Variants in JAK3 observed in about 807,000 individuals in gnomAD.
JAK3 encodes the protein Janus kinase 3.
Under a neutral mutation model 120.8 loss-of-function variants are expected in JAK3, and 88 were observed. The observed-to-expected ratio is 0.73, with a 90% confidence interval of 0.61 to 0.87. The LOEUF (loss-of-function observed/expected upper bound fraction) is 0.87. JAK3 is among the 40% of genes least tolerant of loss of function. JAK3 has a pLI of 0.00. For missense variants in JAK3, 1,254 were observed against 1,501.4 expected, an observed-to-expected ratio of 0.84 and a Z score of 2.72; for synonymous variants, 592 against 628.6, an observed-to-expected ratio of 0.94 and a Z score of 0.87.
intron 10 of JAK3, chr19:17,839,263 T>C: frequency 1.5e-6 from 1 of 678,970 alleles, no homozygotes; most frequent in Non-Finnish European, 2.7e-6. Context: ...AGAGACTAGG[T>C]GCAGATGACA....
In JAK3 at chr19:17,832,409, A is replaced by T; in HGVS notation, c.2680+110T>A. 9.3e-7 allele frequency: 1 copy of T among 1,080,978 alleles called. No individual in the cohort carries two copies. Among genetic ancestry groups the T allele is most frequent in the Non-Finnish European group, 1.4e-6 (1 of 701,320 alleles). The allele number at this position is 1,080,978 out of a possible 1,614,324, so 67.0% of individuals were successfully genotyped here. A position where few individuals can be genotyped will look rare whatever the true frequency, so the allele number is the denominator to read the frequency against. Reference sequence around the variant, plus strand: ...AAACCTGTAACCCATGTGAATCTGGATCAATAATCACGTTCCCAGCCTACC... The same window carrying T: ...AAACCTGTAACCCATGTGAATCTGGTTCAATAATCACGTTCCCAGCCTACC... On this transcript the variant is annotated intron_variant, in intron 19 of 23. Coordinates refer to ENST00000458235, the MANE Select transcript of JAK3 (RefSeq NM_000215.4). This position sits in a 1 kb window ranked among gnomAD's most constrained non-coding sequence, Gnocchi z 4.7.
In JAK3 at chr19:17,827,717, TAAAAAAAAAAAAAAAAAAAAAAAAA is replaced by T. The variant is rs760856974; in HGVS notation, c.3208-832_3208-808del. On this transcript the variant is annotated intron_variant, in intron 23 of 23. Transcript: ENST00000458235. ...CAACATGGAGAAACCCCATCTTAAC[TAAAAAAAAAAAAAAAAAAAAAAAAA>T]AAAAAAAAAAAAAAAAATTACAGGT... Among the ~76,000 whole-genome samples the T allele has an allele frequency of 3.2e-3, 250 of 77,688 alleles. 7 individuals are homozygous for T. Among genetic ancestry groups the T allele is most frequent in the African/African-American group, 0.014 (234 of 16,784 alleles). 51.0% of individuals were successfully genotyped at this position (77,688 alleles called of 152,430 possible).
chr19:17,836,623 A>C, intron 13 of JAK3: 1 of 385,128 alleles, frequency 2.6e-6, no homozygotes, highest in Non-Finnish European at 4.9e-6. Context: ...TGCCTAGAAC[A>C]CCCCTCTTCC....
At position 17,841,288 on chromosome 19, in the gene JAK3, A is replaced by T. The variant is rs77652659; in HGVS notation, c.1142+101T>A. 3.5e-4 allele frequency: 440 copies of T among 1,255,930 alleles called. 2 individuals are homozygous for T. The East Asian group carries it at 0.011, about 32-fold the overall frequency. The allele number at this position is 1,255,930 out of a possible 1,614,324, so 77.8% of individuals were successfully genotyped here. A position where few individuals can be genotyped will look rare whatever the true frequency, so the allele number is the denominator to read the frequency against. On this transcript the variant is annotated intron_variant, in intron 8 of 23. Coordinates refer to ENST00000458235, the MANE Select transcript of JAK3 (RefSeq NM_000215.4). The surrounding 1 kb of genome is among the most constrained non-coding windows in gnomAD (Gnocchi z 4.1). ...GCGGCAGGTGTGGTTTGAAAACTTGACCCCTGTCCAGGGCTCCTGGAAGGT... is the reference window on the plus strand; with the variant it reads ...GCGGCAGGTGTGGTTTGAAAACTTGTCCCCTGTCCAGGGCTCCTGGAAGGT...
chr19:17,838,496 T>C (rs993113497), intron 10 of JAK3, 106 bp from the exon 11 acceptor site: 3 of 1,274,220 alleles, frequency 2.4e-6, no homozygotes, highest in African/African-American at 2.9e-5. Flanking sequence ...AAGCCGACCC[T>C]GAGATGAAGA....
chr19:17,830,095 C>G lies in JAK3; in HGVS notation c.3207+13G>C. The G allele has an allele frequency of 6.4e-7, 1 of 1,554,860 alleles. No individual in the cohort carries two copies. Among genetic ancestry groups the G allele is most frequent in the South Asian group, 1.2e-5 (1 of 84,716 alleles). Reference sequence around the variant, plus strand: ...ACAGACTGGGAAACTGAGGCTAGCCCTGCGGCGCTCACCTCAGCAGGGCAG... The same window carrying G: ...ACAGACTGGGAAACTGAGGCTAGCCGTGCGGCGCTCACCTCAGCAGGGCAG... On this transcript the variant is annotated intron_variant, in intron 23 of 23. Coordinates refer to ENST00000458235, the MANE Select transcript of JAK3 (RefSeq NM_000215.4).
chr19:17,836,984 A>C, intron 13 of JAK3, 145 bp downstream of exon 13: 1 of 686,830 alleles, frequency 1.5e-6, no homozygotes, highest in Non-Finnish European at 2.6e-6. Context: ...GGAGAGACAT[A>C]AATAAAGGGT....
intron 14 of JAK3, among the ~76,000 whole-genome samples, 183 bp downstream of exon 14, chr19:17,835,741 C>T (rs910100652): frequency 4.6e-5 from 7 of 152,178 alleles, no homozygotes; most frequent in East Asian, 1.9e-4. Flanking sequence ...ATTCACCACA[C>T]GCCCTGACAT....
chr19:17,843,930 C>T lies in JAK3; in HGVS notation c.185-30G>A, dbSNP rs201336762. On this transcript the variant is annotated intron_variant, in intron 2 of 23. Transcript: ENST00000458235. The surrounding 1 kb of genome is among the most constrained non-coding windows in gnomAD (Gnocchi z 5.4). The stretch of plus-strand genomic sequence containing the variant: ...AGGGGATGGTCCCATCAGCTCCCTC[C>T]TGAGTCACCCCATCTGTGCCCTTCA... 152 of 1,612,598 alleles carry T rather than the reference C, an allele frequency of 9.4e-5. No individual in the cohort carries two copies. Among genetic ancestry groups the T allele is most frequent in the Non-Finnish European group, 1.2e-4 (137 of 1,179,558 alleles).
chr19:17,845,254 G>A (rs1233161538), intron 1 of JAK3, among the ~76,000 whole-genome samples: 2 of 151,970 alleles, frequency 1.3e-5, no homozygotes, highest in African/African-American at 2.4e-5. Flanking sequence ...TGCAACCTCC[G>A]CCTCCCAAGT....
At position 17,832,276 on chromosome 19, in the gene JAK3, C is replaced by CA. The variant is rs1254160128; in HGVS notation, c.2680+242dup. 6.7e-6 allele frequency among the ~76,000 whole-genome samples: 1 copy of CA among 150,068 alleles called. No homozygotes were observed. Among genetic ancestry groups the CA allele is most frequent in the Non-Finnish European group, 1.5e-5 (1 of 67,972 alleles). On this transcript the variant is annotated intron_variant, in intron 19 of 23. Transcript: ENST00000458235. This position sits in a 1 kb window ranked among gnomAD's most constrained non-coding sequence, Gnocchi z 4.7. Reference sequence around the variant, plus strand: ...ACTCTGTCTCAAAAAAACAAACAAACAACAACAACAACAAAGTAAATATCA... The same window carrying CA: ...ACTCTGTCTCAAAAAAACAAACAAACAAACAACAACAACAAAGTAAATATCA...
chr19:17,839,999 A>C (rs2094234144), intron 9 of JAK3, among the ~76,000 whole-genome samples: 1 of 152,092 alleles, frequency 6.6e-6, no homozygotes. Context: ...TCAGCCTCCC[A>C]AAGTGCTGGG....
At position 17,842,841 on chromosome 19, in the gene JAK3, A is replaced by G. The variant is rs1479944559; in HGVS notation, c.566+186T>C. 2 of 893,732 alleles carry G rather than the reference A, an allele frequency of 2.2e-6. No individual in the cohort carries two copies. Among genetic ancestry groups the G allele is most frequent in the African/African-American group, 1.7e-5 (1 of 60,446 alleles). 55.4% of individuals were successfully genotyped at this position (893,732 alleles called of 1,614,324 possible). A position where few individuals can be genotyped will look rare whatever the true frequency, so the allele number is the denominator to read the frequency against. ...ACCCCACAGGCCTTTTAGCTGGGGG[A>G]GGTCAGGTGTCTGTCCAGCTGGAGC... is the stretch of plus-strand genomic sequence containing the variant. On this transcript the variant is annotated intron_variant, in intron 5 of 23. Coordinates refer to ENST00000458235, the MANE Select transcript of JAK3 (RefSeq NM_000215.4). This position sits in a 1 kb window ranked among gnomAD's most constrained non-coding sequence, Gnocchi z 6.4.
In JAK3 at chr19:17,839,555, C is replaced by G. The variant is rs2147691190; in HGVS notation, c.1363G>C (p.Ala455Pro). 1 of 1,608,320 alleles carries G rather than the reference C, an allele frequency of 6.2e-7. No individual in the cohort carries two copies. Among genetic ancestry groups the G allele is most frequent in the Non-Finnish European group, 8.5e-7 (1 of 1,177,748 alleles). Residue 455 changes from alanine to proline, a missense_variant, in exon 10 of 24, where the codon GCA becomes CCA. Transcript: ENST00000458235. ...RPHSSLRELLATCWDGGLHVD... is the reference protein window; with the variant it reads ...RPHSSLRELLPTCWDGGLHVD... ...TGCAGCCCCCCATCCCAGCAGGTTGCCAGGAGCTCTCGAAGACTGCTGTGG... is the reference window on the plus strand; with the variant it reads ...TGCAGCCCCCCATCCCAGCAGGTTGGCAGGAGCTCTCGAAGACTGCTGTGG...
intron 17 of JAK3, among the ~76,000 whole-genome samples, 165 bp downstream of exon 17, chr19:17,834,406 G>A (rs1455405295): frequency 6.6e-6 from 1 of 152,066 alleles, no homozygotes; most frequent in Non-Finnish European, 1.5e-5. Flanking sequence ...GAACTGAGGG[G>A]ACTGTTCGTT....
intron 17 of JAK3, among the ~76,000 whole-genome samples, chr19:17,833,312 T>C (rs2094217799): frequency 1.3e-5 from 2 of 152,032 alleles, no homozygotes; most frequent in African/African-American, 4.8e-5. Flanking sequence ...CTCCACACTC[T>C]CTCTTTTATC....
chr19:17,832,273 A>AAAC lies in JAK3; in HGVS notation c.2680+243_2680+245dup, dbSNP rs200563014. Among the ~76,000 whole-genome samples the AAAC allele has an allele frequency of 6.6e-6, 1 of 152,114 alleles. No homozygotes were observed. The highest frequency in any genetic ancestry group is 1.9e-4 in the East Asian group (1 of 5,192). ...GAGACTCTGTCTCAAAAAAACAAAC[A>AAAC]AACAACAACAACAACAAAGTAAATA... On this transcript the variant is annotated intron_variant, in intron 19 of 23. Transcript: ENST00000458235. This position sits in a 1 kb window ranked among gnomAD's most constrained non-coding sequence, Gnocchi z 4.7.
At position 17,843,881 on chromosome 19, in the gene JAK3, G is replaced by C; in HGVS notation, c.204C>G (p.His68Gln). 6.2e-7 allele frequency: 1 copy of C among 1,613,726 alleles called. No individual in the cohort carries two copies. Among genetic ancestry groups the C allele is most frequent in the Non-Finnish European group, 8.5e-7 (1 of 1,179,974 alleles). Residue 68 changes from histidine (H) to glutamine (Q), a missense_variant, in exon 3 of 24, where the codon CAC becomes CAG. Physicochemically the swap from His to Gln is conservative, Grantham distance 24. This residue lies in a region of JAK3 where 138 missense variants were observed against 178.7 expected (regional missense o/e 0.77). Coordinates refer to ENST00000458235, the MANE Select transcript of JAK3 (RefSeq NM_000215.4). The surrounding 1 kb of genome is among the most constrained non-coding windows in gnomAD (Gnocchi z 5.4). ...CCTCCGTGGCCAGAGCAAAGAGGGA[G>C]TGGTACACAGGCAGGATGCCTACAG... Reference protein sequence around the residue: ...AKASGILPVYHSLFALATEDL... With the variant: ...AKASGILPVYQSLFALATEDL...
At chr19:17,838,763 T>C (rs1203063999) in intron 10 of JAK3, among the ~76,000 whole-genome samples, 2 of 141,212 alleles carry the variant, frequency 1.4e-5, no homozygotes, top group East Asian at 4.1e-4. Flanking sequence ...TCACCCAGGC[T>C]GGAGTGCAGT....
Sources: gnomAD v4.1 joint callset for allele counts (sites outside exome capture counted in the v4.1 genomes callset) on GRCh38, gnomAD v4.1.1 for gene constraint, gnomAD v4.1.1 regional missense constraint, Gnocchi (gnomAD v3.1) non-coding constraint, MANE v1.5 for transcripts, NCBI Gene and HGNC (gene_info 2026-07-23, HGNC 2026-07-21) for gene names.